VDR: variants seen among roughly 807,000 people sequenced by gnomAD.
VDR encodes vitamin D receptor, also known as vitamin D3 receptor.
VDR carries 19 observed loss-of-function variants against 39.7 expected under a neutral mutation model. That is an observed-to-expected ratio of 0.48 (90% CI 0.33 to 0.70). The LOEUF is 0.70. Among genes scored for constraint, VDR ranks in the 30% least tolerant of loss-of-function variants. The pLI, the probability that VDR is intolerant of heterozygous loss-of-function variation, is 0.02. For synonymous variants in VDR, 242 were observed against 215.8 expected, an observed-to-expected ratio of 1.12 and a Z score of -1.07; for missense variants, 442 against 570.5, an observed-to-expected ratio of 0.77 and a Z score of 2.29.
intron 1 of VDR, among the ~76,000 whole-genome samples, chr12:47,886,384 T>C (rs7965274): frequency 0.69 from 105,271 of 152,144 alleles, 37,448 homozygotes; most frequent in African/African-American, 0.86. Context: ...TCAGGCATAA[T>C]AATATCATGG....
intron 3 of VDR, among the ~76,000 whole-genome samples, chr12:47,870,817 T>C (rs1945838519): frequency 1.3e-5 from 2 of 152,236 alleles, no homozygotes; most frequent in African/African-American, 4.8e-5. Flanking sequence ...CTGAAAGCTA[T>C]GTGAGGTGCT....
At chr12:47,880,512 T>C (rs546580184) in intron 2 of VDR, among the ~76,000 whole-genome samples, 13 of 152,216 alleles carry the variant, frequency 8.5e-5, no homozygotes, top group Non-Finnish European at 1.9e-4. Flanking sequence ...ATAAAACAAA[T>C]ACTTTCTAAA....
At chr12:47,892,054 G>C (rs1369849051) in intron 1 of VDR, among the ~76,000 whole-genome samples, 1 of 152,230 alleles carries the variant, frequency 6.6e-6, no homozygotes, top group Non-Finnish European at 1.5e-5. Context: ...GACATGGGGT[G>C]GGCTCTGGCT....
intron 3 of VDR, among the ~76,000 whole-genome samples, chr12:47,875,842 T>C (rs1036605341): frequency 6.6e-6 from 1 of 152,240 alleles, no homozygotes; most frequent in African/African-American, 2.4e-5. Context: ...TCAATAGATA[T>C]TGTTGGTTGA....
At chr12:47,864,908 A>G (rs1945696111) in intron 4 of VDR, 139 bp downstream of exon 4, 1 of 1,440,268 alleles carries the variant, frequency 6.9e-7, no homozygotes, top group East Asian at 2.3e-5. Flanking sequence ...TGCTGGTCCC[A>G]CTGAGGCCCT....
At chr12:47,887,730 G>T (rs1399787323) in intron 1 of VDR, among the ~76,000 whole-genome samples, 3 of 152,242 alleles carry the variant, frequency 2.0e-5, no homozygotes, top group Admixed American at 6.5e-5. Context: ...CACCTCCTCT[G>T]TCTGCCACTT....
At chr12:47,878,443 T>C (rs1438879208) in intron 3 of VDR, among the ~76,000 whole-genome samples, 1 of 152,162 alleles carries the variant, frequency 6.6e-6, no homozygotes, top group Non-Finnish European at 1.5e-5. Flanking sequence ...TGCCTGGATG[T>C]TCCAAGGTTG....
intron 2 of VDR, among the ~76,000 whole-genome samples, chr12:47,879,486 G>A (rs1310988292): frequency 1.3e-5 from 2 of 152,194 alleles, no homozygotes; most frequent in Admixed American, 1.3e-4. Flanking sequence ...TCATGCTACT[G>A]GCACTAGCTC....
chr12:47,891,609 T>G (rs993331268), intron 1 of VDR, among the ~76,000 whole-genome samples: 1 of 152,174 alleles, frequency 6.6e-6, no homozygotes, highest in Non-Finnish European at 1.5e-5. Context: ...AGAAATGAGT[T>G]GTTCTAATCT....
intron 1 of VDR, chr12:47,883,027 G>C (rs1450626406): frequency 4.4e-6 from 2 of 450,648 alleles, no homozygotes; most frequent in East Asian, 4.4e-5. Flanking sequence ...AAGCGGTGGC[G>C]GCAACCAGCC....
At chr12:47,881,605 G>T (rs532357774) in intron 2 of VDR, among the ~76,000 whole-genome samples, 4 of 152,122 alleles carry the variant, frequency 2.6e-5, no homozygotes, top group African/African-American at 9.6e-5. Context: ...TGAGCATATG[G>T]TATCTTCTTC....
intron 3 of VDR, among the ~76,000 whole-genome samples, chr12:47,876,286 T>G (rs1028402763): frequency 6.6e-6 from 1 of 152,174 alleles, no homozygotes; most frequent in Non-Finnish European, 1.5e-5. Context: ...TTCAGAACCT[T>G]GCAGCTGTCT....
rs1555151337 is a variant in VDR at position 47,859,923 on chromosome 12, T to TTCTTTCTTTCTTTCTTTC, written c.278-2236_278-2235insGAAAGAAAGAAAGAAAGA. Among the ~76,000 whole-genome samples, 3 of 50,954 alleles carry TTCTTTCTTTCTTTCTTTC rather than the reference T, an allele frequency of 5.9e-5. 1 individual carries two copies. Among genetic ancestry groups the TTCTTTCTTTCTTTCTTTC allele is most frequent in the East Asian group, 9.4e-4 (2 of 2,124 alleles). 33.4% of individuals were successfully genotyped at this position (50,954 alleles called of 152,430 possible). On this transcript the variant is annotated intron_variant, in intron 4 of 9. Coordinates refer to ENST00000549336, the MANE Select transcript of VDR (RefSeq NM_000376.3). Reference sequence around the variant, plus strand: ...CTTCCTTCCTTCCTTCCTTCTTTCTTTTTCTTTCTTTCTTTCTTTCTTTCT... The same window carrying TTCTTTCTTTCTTTCTTTC: ...CTTCCTTCCTTCCTTCCTTCTTTCTTTCTTTCTTTCTTTCTTTCTTTCTTTCTTTCTTTCTTTCTTTCT...
rs1258664593 is a variant in VDR, at chr12:47,858,296, G to A, written c.278-608C>T. 3.9e-5 allele frequency among the ~76,000 whole-genome samples: 6 copies of A among 152,366 alleles called. No homozygotes were observed. In the South Asian group the frequency reaches 8.3e-4, roughly 21 times the overall value. On this transcript the variant is annotated intron_variant, in intron 4 of 9. Transcript: ENST00000549336. ...GCTCTCATAGCGCTGGAAGTGAGAT[G>A]TGGAGAGGACTCCTCTATGTGGCTG...
intron 3 of VDR, among the ~76,000 whole-genome samples, chr12:47,877,293 T>C (rs1011148327): frequency 3.9e-5 from 6 of 152,242 alleles, no homozygotes; most frequent in Admixed American, 3.9e-4. Context: ...CTTTTGTTTA[T>C]TTTATGAGAG....
intron 6 of VDR, 113 bp downstream of exon 6, chr12:47,857,016 T>C: frequency 1.3e-6 from 2 of 1,531,262 alleles, no homozygotes; most frequent in Admixed American, 3.4e-5. Context: ...AGTATTTATG[T>C]AAGTTTCCAT....
chr12:47,846,293 C>G (rs200638364), intron 9 of VDR, 42 bp downstream of exon 9: 7 of 1,576,264 alleles, frequency 4.4e-6, no homozygotes, highest in Non-Finnish European at 5.2e-6. Flanking sequence ...TCATACTCCC[C>G]GCTCCCCAGG....
chr12:47,898,492 A>G (rs528311303), intron 1 of VDR: 1 of 152,638 alleles, frequency 6.6e-6, no homozygotes, highest in African/African-American at 2.4e-5. Flanking sequence ...GGAGGCAGCA[A>G]TTCCAACCCT....
At chr12:47,861,323 C>A (rs116126326) in intron 4 of VDR, among the ~76,000 whole-genome samples, 1,686 of 152,326 alleles carry the variant, frequency 0.011, 30 homozygotes, top group African/African-American at 0.039. Flanking sequence ...TGATTCCTCC[C>A]AGTCACTTGC....
Sources: allele counts gnomAD v4.1 joint callset (sites outside exome capture counted in the v4.1 genomes callset), GRCh38; gene constraint gnomAD v4.1.1; transcripts MANE v1.5; gene names NCBI Gene and HGNC (gene_info 2026-07-23, HGNC 2026-07-21).